QTMAN: variants seen among roughly 807,000 people sequenced by gnomAD.
QTMAN encodes queuosine-tRNA mannosyltransferase, also known as tRNA-queuosine alpha-mannosyltransferase.
chr2:144,026,508 CA>C, the QTMAN span, among the ~76,000 whole-genome samples: 1 of 152,074 alleles, frequency 6.6e-6, no homozygotes, highest in Non-Finnish European at 1.5e-5. Context: ...TTCATAAATA[CA>C]ACTGAAAGAC....
the QTMAN span, among the ~76,000 whole-genome samples, chr2:144,134,945 G>A: frequency 6.6e-6 from 1 of 152,004 alleles, no homozygotes; most frequent in Non-Finnish European, 1.5e-5. Context: ...ATGGGACAGA[G>A]AAAGCAGACA....
chr2:144,242,319 AAGC>A, the QTMAN span, among the ~76,000 whole-genome samples: 1 of 152,124 alleles, frequency 6.6e-6, no homozygotes. Flanking sequence ...AAAAAAAAAC[AAGC>A]AGGAGAAAAA....
chr2:144,325,347 G>A, the QTMAN span, among the ~76,000 whole-genome samples: 1 of 152,098 alleles, frequency 6.6e-6, no homozygotes, highest in Non-Finnish European at 1.5e-5. Flanking sequence ...GTGCAGGGGA[G>A]AGATGAGCAA....
chr2:144,039,527 A>C, the QTMAN span, among the ~76,000 whole-genome samples: 2 of 152,174 alleles, frequency 1.3e-5, no homozygotes, highest in African/African-American at 4.8e-5. Flanking sequence ...CAAAATAAAC[A>C]ACTTTGGTGA....
chr2:144,213,892 T>C, the QTMAN span, among the ~76,000 whole-genome samples: 1 of 152,038 alleles, frequency 6.6e-6, no homozygotes, highest in South Asian at 2.1e-4. Flanking sequence ...TTCTCTTCCT[T>C]CCCTTCTGCA....
chr2:144,284,984 T>A, the QTMAN span, among the ~76,000 whole-genome samples: 2 of 144,156 alleles, frequency 1.4e-5, no homozygotes, highest in Admixed American at 1.4e-4. Flanking sequence ...AGCACTCCCG[T>A]AGTCCCAGAT....
chr2:144,160,629 G>C, the QTMAN span, among the ~76,000 whole-genome samples: 1 of 152,058 alleles, frequency 6.6e-6, no homozygotes, highest in Non-Finnish European at 1.5e-5. Context: ...AGACTGTAAC[G>C]CAGTGATCAT....
At chr2:144,019,460 GTGTGTGTGTGTGTGTGTGTGTGTA>G in the QTMAN span, among the ~76,000 whole-genome samples, 1 of 149,224 alleles carries the variant, frequency 6.7e-6, no homozygotes, top group African/African-American at 2.5e-5. Context: ...GTGTGTGTGT[GTGTGTGTGTGTGTGTGTGTGTGTA>G]TGTAGTTTTA....
chr2:144,192,727 T>C, the QTMAN span, among the ~76,000 whole-genome samples: 1 of 152,254 alleles, frequency 6.6e-6, no homozygotes, highest in Non-Finnish European at 1.5e-5. Flanking sequence ...ATGTTCAAGC[T>C]AGATAATTTG....
the QTMAN span, among the ~76,000 whole-genome samples, chr2:144,063,110 G>A: frequency 3.3e-5 from 5 of 152,276 alleles, no homozygotes; most frequent in South Asian, 2.1e-4. Flanking sequence ...CTGCTGTTAC[G>A]ATGTAAGACT....
chr2:144,055,369 C>A, the QTMAN span, among the ~76,000 whole-genome samples: 2 of 144,066 alleles, frequency 1.4e-5, no homozygotes, highest in African/African-American at 5.2e-5. Flanking sequence ...ACACACACAC[C>A]CCTCTGAGAG....
At chr2:144,016,307 CT>C in the QTMAN span, among the ~76,000 whole-genome samples, 2 of 152,158 alleles carry the variant, frequency 1.3e-5, no homozygotes, top group East Asian at 3.8e-4. Flanking sequence ...AATGACCTAA[CT>C]TTTTTCAAAC....
the QTMAN span, among the ~76,000 whole-genome samples, chr2:144,150,443 C>T: frequency 1.3e-5 from 2 of 151,914 alleles, no homozygotes; most frequent in Admixed American, 6.6e-5. Flanking sequence ...ATATGGCTAT[C>T]GAGCACTTGA....
At chr2:144,094,135 G>A in the QTMAN span, among the ~76,000 whole-genome samples, 10 of 152,094 alleles carry the variant, frequency 6.6e-5, no homozygotes, top group East Asian at 1.9e-4. Context: ...AATAAACTGC[G>A]CATTAAATGT....
At chr2:144,098,367 C>T in the QTMAN span, among the ~76,000 whole-genome samples, 1 of 152,160 alleles carries the variant, frequency 6.6e-6, no homozygotes, top group Non-Finnish European at 1.5e-5. Context: ...CTGATTCTAT[C>T]CAGGTTCAAT....
chr2:143,949,407 G>C, the QTMAN span, among the ~76,000 whole-genome samples: 1 of 151,920 alleles, frequency 6.6e-6, no homozygotes, highest in Non-Finnish European at 1.5e-5. Flanking sequence ...CCTTATTCTA[G>C]TCATTAAATT....
At chr2:143,956,130 T>C in the QTMAN span, among the ~76,000 whole-genome samples, 132 of 152,350 alleles carry the variant, frequency 8.7e-4, no homozygotes, top group African/African-American at 3.0e-3. Context: ...GTGTATCTGA[T>C]GAGTATTCTT....
chr2:144,198,818 C>T, the QTMAN span, among the ~76,000 whole-genome samples: 2 of 152,156 alleles, frequency 1.3e-5, no homozygotes, highest in African/African-American at 4.8e-5. Flanking sequence ...ATTTGTCTGT[C>T]ACTCAACCTG....
chr2:143,986,509 C>A, the QTMAN span, among the ~76,000 whole-genome samples: 1 of 152,232 alleles, frequency 6.6e-6, no homozygotes, highest in African/African-American at 2.4e-5. Flanking sequence ...CAATTGTTCA[C>A]CAAATCACAT....
Sources: allele counts gnomAD v4.1 joint callset (sites outside exome capture counted in the v4.1 genomes callset), GRCh38; gene constraint gnomAD v4.1.1; transcripts MANE v1.5; gene names NCBI Gene and HGNC (gene_info 2026-07-23, HGNC 2026-07-21).